DCC: variants seen among roughly 807,000 people sequenced by gnomAD.
DCC encodes DCC netrin 1 receptor.
Under a neutral mutation model 172.5 loss-of-function variants are expected in DCC, and 58 were observed. The ratio of observed to expected loss-of-function variants is 0.34; its 90% CI spans 0.27 to 0.42. The LOEUF is 0.42. Among genes scored for constraint, DCC ranks in the 10% least tolerant of loss-of-function variants. DCC has a pLI of 1.00. For missense variants in DCC, 1,740 were observed against 1,791.0 expected, an observed-to-expected ratio of 0.97 and a Z score of 0.51; for synonymous variants, 709 against 644.5, an observed-to-expected ratio of 1.10 and a Z score of -1.52.
At position 53,279,979 on chromosome 18, in the gene DCC, C is replaced by T. The variant is rs375578345; in HGVS notation, c.1912-25599C>T. Among the ~76,000 whole-genome samples the T allele has an allele frequency of 9.2e-5, 14 of 152,076 alleles. No individual in the cohort carries two copies. The South Asian group carries it at 2.3e-3, about 25-fold the overall frequency. ...GAGGGAGATAGTAAAAAAAAACTAC[C>T]GTTGAGCACTATGCTTATTACCTGG... On this transcript the variant is annotated intron_variant, in intron 12 of 28. Coordinates refer to ENST00000442544, the MANE Select transcript of DCC (RefSeq NM_005215.4).
chr18:53,113,863 T>A, intron 7 of DCC, among the ~76,000 whole-genome samples: 1 of 151,566 alleles, frequency 6.6e-6, no homozygotes, highest in East Asian at 2.0e-4. Context: ...TCACTTTCTG[T>A]CATTTTATTA....
intron 1 of DCC, among the ~76,000 whole-genome samples, chr18:52,464,466 G>C (rs1419511230): frequency 6.6e-6 from 1 of 152,130 alleles, no homozygotes; most frequent in African/African-American, 2.4e-5. Flanking sequence ...TAGAAAATTA[G>C]GCAAGCATAT....
chr18:52,771,327 C>T (rs1277072494), intron 2 of DCC, among the ~76,000 whole-genome samples: 1 of 151,802 alleles, frequency 6.6e-6, no homozygotes, highest in Non-Finnish European at 1.5e-5. Flanking sequence ...CAGTTCCATT[C>T]AATTAAAAAA....
chr18:53,492,412 TTTC>T (rs2045969553), intron 26 of DCC, among the ~76,000 whole-genome samples: 2 of 152,188 alleles, frequency 1.3e-5, no homozygotes, highest in South Asian at 4.1e-4. Flanking sequence ...TTGCCTAGGT[TTTC>T]TTCTAGGGTT....
intron 1 of DCC, among the ~76,000 whole-genome samples, chr18:52,544,627 G>A (rs1233392683): frequency 1.3e-5 from 2 of 152,072 alleles, no homozygotes; most frequent in African/African-American, 2.4e-5. Flanking sequence ...TGCATGTCAA[G>A]GCTTTAGAAC....
intron 5 of DCC, among the ~76,000 whole-genome samples, chr18:52,935,041 T>C (rs1397777166): frequency 1.3e-5 from 2 of 152,148 alleles, no homozygotes; most frequent in African/African-American, 4.8e-5. Context: ...TACAGAACAA[T>C]CACTAAAAAT....
chr18:53,331,764 C>CA (rs1198735004), intron 14 of DCC, among the ~76,000 whole-genome samples: 1 of 151,798 alleles, frequency 6.6e-6, no homozygotes, highest in East Asian at 1.9e-4. Flanking sequence ...ATTTTTGGGC[C>CA]AAAAAAGGGC....
intron 5 of DCC, among the ~76,000 whole-genome samples, chr18:53,020,894 C>T (rs2041870750): frequency 6.6e-6 from 1 of 151,798 alleles, no homozygotes; most frequent in African/African-American, 2.4e-5. Context: ...GTTCCAATAG[C>T]TCATTACCAC....
intron 1 of DCC, among the ~76,000 whole-genome samples, chr18:52,692,169 C>A (rs1209742496): frequency 1.3e-5 from 2 of 152,090 alleles, no homozygotes; most frequent in African/African-American, 4.8e-5. Flanking sequence ...CTCCCTCAAC[C>A]CACCCAAACT....
At chr18:52,850,242 C>T (rs2038954898) in intron 2 of DCC, among the ~76,000 whole-genome samples, 1 of 152,264 alleles carries the variant, frequency 6.6e-6, no homozygotes, top group East Asian at 1.9e-4. Flanking sequence ...GGAATCACTC[C>T]CAGTTCTTCG....
At chr18:53,352,404 T>C (rs2057822355) in intron 15 of DCC, among the ~76,000 whole-genome samples, 1 of 152,146 alleles carries the variant, frequency 6.6e-6, no homozygotes, top group Non-Finnish European at 1.5e-5. Flanking sequence ...AGATGCATAA[T>C]TATTTAGGAT....
intron 22 of DCC, among the ~76,000 whole-genome samples, chr18:53,447,816 T>C (rs1368104682): frequency 6.6e-6 from 1 of 152,146 alleles, no homozygotes; most frequent in Admixed American, 6.5e-5. Flanking sequence ...AGTAAAACTG[T>C]GAAAAAAGGG....
chr18:53,014,148 T>G (rs1036798011), intron 5 of DCC, among the ~76,000 whole-genome samples: 2 of 152,182 alleles, frequency 1.3e-5, no homozygotes, highest in African/African-American at 2.4e-5. Flanking sequence ...ACCAAAACAG[T>G]TGGCCCATTT....
At chr18:53,182,168 G>A (rs976742182) in intron 9 of DCC, among the ~76,000 whole-genome samples, 3 of 152,192 alleles carry the variant, frequency 2.0e-5, no homozygotes, top group African/African-American at 7.2e-5. Context: ...TGTTGGTATT[G>A]TTGTCACATA....
intron 15 of DCC, among the ~76,000 whole-genome samples, chr18:53,349,602 A>T (rs2057764828): frequency 6.6e-6 from 1 of 152,210 alleles, no homozygotes. Context: ...GTTTAATTGG[A>T]CTTACAGTTC....
intron 9 of DCC, among the ~76,000 whole-genome samples, chr18:53,181,463 A>G (rs2055195707): frequency 6.9e-6 from 1 of 145,698 alleles, no homozygotes; most frequent in Non-Finnish European, 1.5e-5. Context: ...ACAGTAAAGT[A>G]TTTTCGTTTT....
intron 7 of DCC, among the ~76,000 whole-genome samples, chr18:53,148,939 C>T (rs1364272872): frequency 3.4e-5 from 5 of 147,516 alleles, no homozygotes; most frequent in Non-Finnish European, 7.4e-5. Flanking sequence ...TCTCGGCTCA[C>T]TGCAACCTCC....
chr18:52,923,083 C>A (rs749405671), intron 3 of DCC, among the ~76,000 whole-genome samples: 17 of 152,050 alleles, frequency 1.1e-4, no homozygotes, highest in Non-Finnish European at 1.6e-4. Context: ...GCTCTAGGGG[C>A]AAACTCACTC....
intron 1 of DCC, among the ~76,000 whole-genome samples, chr18:52,617,123 G>C (rs2034397326): frequency 6.6e-6 from 1 of 152,128 alleles, no homozygotes; most frequent in Admixed American, 6.5e-5. Flanking sequence ...ATGTGGTAAG[G>C]CTTGGTGAAA....
Sources: gnomAD v4.1 joint callset for allele counts (sites outside exome capture counted in the v4.1 genomes callset) on GRCh38, gnomAD v4.1.1 for gene constraint, MANE v1.5 for transcripts, NCBI Gene and HGNC (gene_info 2026-07-23, HGNC 2026-07-21) for gene names.